NEK1: variants seen among roughly 807,000 people sequenced by gnomAD.
The protein encoded by NEK1 is serine/threonine-protein kinase Nek1.
Under a neutral mutation model 182.1 loss-of-function variants are expected in NEK1, and 137 were observed. That is an observed-to-expected ratio of 0.75 (90% CI 0.65 to 0.87). NEK1 has a LOEUF of 0.87. Ranked by LOEUF, NEK1 falls within the 40% of genes least tolerant of loss-of-function variation. NEK1 has a pLI of 0.00. For synonymous variants in NEK1, 513 were observed against 492.2 expected (o/e 1.04, Z -0.56); for missense variants, 1,391 against 1,494.4 (o/e 0.93, Z 1.14).
Position 169,580,500 on chromosome 4 carries a change from A to C in NEK1, c.868+342T>G, listed in dbSNP as rs1374661681. Among the ~76,000 whole-genome samples the C allele has an allele frequency of 8.0e-5, 12 of 150,476 alleles. 1 individual carries two copies. The South Asian group carries it at 2.5e-3, about 31-fold the overall frequency. On this transcript the variant is annotated intron_variant, in intron 11 of 35. Transcript: ENST00000507142. ...CAAGAGCGAAACTTCATCTCAAAAA[A>C]AAAAAAAAAAAAAAAAGATAATATT...
intron 30 of NEK1, 128 bp downstream of exon 30, chr4:169,426,018 T>A: frequency 1.5e-6 from 1 of 683,142 alleles, no homozygotes; most frequent in Admixed American, 2.6e-5. Flanking sequence ...CCTATTATAT[T>A]TTTTAAATGA....
intron 23 of NEK1, among the ~76,000 whole-genome samples, chr4:169,496,717 C>T (rs867843619): frequency 2.0e-3 from 304 of 150,332 alleles, no homozygotes; most frequent in African/African-American, 6.9e-3. Context: ...TATTGATTTG[C>T]GTATGTTGAA....
At chr4:169,600,726 T>G in intron 4 of NEK1, among the ~76,000 whole-genome samples, 1 of 152,220 alleles carries the variant, frequency 6.6e-6, no homozygotes, top group Non-Finnish European at 1.5e-5. Context: ...ATTCACTATT[T>G]ATATGTATAT....
At chr4:169,524,023 T>G (rs1013296274) in intron 19 of NEK1, among the ~76,000 whole-genome samples, 5 of 152,204 alleles carry the variant, frequency 3.3e-5, no homozygotes, top group African/African-American at 1.2e-4. Context: ...ATTCAGAGGT[T>G]CTTCTGTTAA....
At chr4:169,537,385 T>C (rs1159691641) in intron 19 of NEK1, among the ~76,000 whole-genome samples, 1 of 152,226 alleles carries the variant, frequency 6.6e-6, no homozygotes, top group African/African-American at 2.4e-5. Context: ...ATAGTTTACA[T>C]ATATACTTAC....
intron 16 of NEK1, among the ~76,000 whole-genome samples, chr4:169,559,838 C>G (rs1387050140): frequency 6.6e-6 from 1 of 152,002 alleles, no homozygotes; most frequent in Non-Finnish European, 1.5e-5. Context: ...GCAGAAACCC[C>G]GTCTCTACTA....
intron 12 of NEK1, among the ~76,000 whole-genome samples, chr4:169,563,908 G>A (rs181712014): frequency 3.3e-5 from 5 of 152,226 alleles, no homozygotes; most frequent in South Asian, 2.1e-4. Flanking sequence ...CTGTTGAAAC[G>A]TCCCTGTATT....
At chr4:169,575,909 TA>T (rs908490686) in intron 12 of NEK1, among the ~76,000 whole-genome samples, 8 of 151,634 alleles carry the variant, frequency 5.3e-5, no homozygotes, top group African/African-American at 1.7e-4. Flanking sequence ...CTGCATGCTT[TA>T]AAAAAAAAAT....
At chr4:169,538,167 T>G (rs1259794710) in intron 18 of NEK1, among the ~76,000 whole-genome samples, 1 of 152,098 alleles carries the variant, frequency 6.6e-6, no homozygotes, top group African/African-American at 2.4e-5. Context: ...ATTTATTTGA[T>G]CTATTCTACT....
At chr4:169,418,608 A>G (rs1734930823) in intron 31 of NEK1, among the ~76,000 whole-genome samples, 1 of 152,202 alleles carries the variant, frequency 6.6e-6, no homozygotes, top group African/African-American at 2.4e-5. Flanking sequence ...TCGAAATAAA[A>G]GGTTCACTGA....
chr4:169,416,593 G>T (rs1373944851), intron 31 of NEK1, among the ~76,000 whole-genome samples: 1 of 152,268 alleles, frequency 6.6e-6, no homozygotes, highest in East Asian at 1.9e-4. Flanking sequence ...GTTATCAGAG[G>T]TACTCAAAGA....
Position 169,599,190 on chromosome 4 carries a change from G to C in NEK1, c.222C>G (p.Gly74=). 1 of 1,606,550 alleles carries C rather than the reference G, an allele frequency of 6.2e-7. No individual in the cohort carries two copies. The part of the protein sequence containing the change: ...VQYRESFEEN[G]SLYIVMDYCE... Reference sequence around the variant, plus strand: ...AGTAATCCATTACTATGTAGAGAGAGCCATTTTCTACAAAATATAAACATT... The same window carrying C: ...AGTAATCCATTACTATGTAGAGAGACCCATTTTCTACAAAATATAAACATT... Residue 74 remains glycine (G), a synonymous_variant, in exon 5 of 36, where the codon GGC becomes GGG. Transcript: ENST00000507142.
chr4:169,574,277 G>A (rs968085991), intron 12 of NEK1, among the ~76,000 whole-genome samples: 1 of 152,146 alleles, frequency 6.6e-6, no homozygotes, highest in African/African-American at 2.4e-5. Context: ...AGGAGTGACA[G>A]TGAGTCAGGT....
At chr4:169,473,256 A>C (rs1371995760) in intron 26 of NEK1, among the ~76,000 whole-genome samples, 1 of 152,030 alleles carries the variant, frequency 6.6e-6, no homozygotes, top group African/African-American at 2.4e-5. Flanking sequence ...GAAAAAAAAA[A>C]AAAAAACTGC....
chr4:169,599,343 T>C (rs779744930), intron 4 of NEK1, 146 bp from the exon 5 acceptor site: 10 of 579,180 alleles, frequency 1.7e-5, no homozygotes, highest in Non-Finnish European at 2.7e-5. Context: ...AAAGTCAAGG[T>C]ATACCGGTCA....
intron 2 of NEK1, among the ~76,000 whole-genome samples, chr4:169,611,723 C>G (rs1166538937): frequency 6.6e-6 from 1 of 152,172 alleles, no homozygotes; most frequent in African/African-American, 2.4e-5. Flanking sequence ...TAAAATTTAT[C>G]AGTAATTTAA....
At chr4:169,566,789 T>A (rs1020779514) in intron 12 of NEK1, among the ~76,000 whole-genome samples, 4 of 151,944 alleles carry the variant, frequency 2.6e-5, no homozygotes, top group Non-Finnish European at 4.4e-5. Context: ...AGAAGTCTTT[T>A]AAAAAAATGA....
chr4:169,523,201 G>A (rs1180997256), intron 19 of NEK1, among the ~76,000 whole-genome samples: 1 of 152,132 alleles, frequency 6.6e-6, no homozygotes, highest in Non-Finnish European at 1.5e-5. Flanking sequence ...ATCAAAGTTT[G>A]ACACAGTTAC....
At position 169,602,017 on chromosome 4, in the gene NEK1, A is replaced by G. The variant is rs1770583725; in HGVS notation, c.205T>C (p.Ser69Pro). Residue 69 changes from serine (S) to proline (P), a missense_variant, in exon 4 of 36, where the codon TCA (serine) becomes CCA (proline). Transcript: ENST00000507142. ...GCATAATTTATCTGACCTTCAAATG[A>G]TTCTCTATACTGGACAATATTTGGA... is the stretch of plus-strand genomic sequence containing the variant. ...KHPNIVQYRESFEENGSLYIV... is the reference protein window; with the variant it reads ...KHPNIVQYREPFEENGSLYIV... 2 of 1,607,756 alleles carry G rather than the reference A, an allele frequency of 1.2e-6. No homozygotes were observed. Among genetic ancestry groups the G allele is most frequent in the African/African-American group, 2.7e-5 (2 of 74,806 alleles).
Sources: allele counts gnomAD v4.1 joint callset (sites outside exome capture counted in the v4.1 genomes callset), GRCh38; gene constraint gnomAD v4.1.1; transcripts MANE v1.5; gene names NCBI Gene and HGNC (gene_info 2026-07-23, HGNC 2026-07-21).